Variants in DPP3 observed in about 807,000 individuals in gnomAD.
The protein encoded by DPP3 is dipeptidyl peptidase 3, also known as DPP III.
DPP3 carries 64 observed loss-of-function variants against 89.8 expected under a neutral mutation model. That is an observed-to-expected ratio of 0.71 (90% confidence interval 0.58 to 0.88). The LOEUF (loss-of-function observed/expected upper bound fraction) is 0.88. DPP3 is among the 40% of genes least tolerant of loss of function. The pLI is 0.00. For synonymous variants in DPP3, 377 were observed against 404.3 expected (o/e 0.93, Z 0.81); for missense variants, 835 against 972.5 (o/e 0.86, Z 1.88).
intron 2 of DPP3, among the ~76,000 whole-genome samples, chr11:66,483,841 G>A (rs1426077892): frequency 1.3e-5 from 2 of 152,068 alleles, no homozygotes; most frequent in Non-Finnish European, 2.9e-5. Flanking sequence ...CTGATGTACT[G>A]TTTATTCTAC....
In DPP3 at chr11:66,497,387, T is replaced by C. The variant is rs760211395; in HGVS notation, c.1788T>C (p.Asp596=). 5 of 1,613,982 alleles carry C rather than the reference T, an allele frequency of 3.1e-6. No individual in the cohort carries two copies. In the South Asian group the frequency reaches 4.4e-5, roughly 14 times the overall value. The change falls in exon 16 of 18, where the codon GAT becomes GAC. Residue 596 remains aspartate (D), a synonymous_variant. Transcript: ENST00000531863. ...CCATCACTCCCACCACAGGCTCCGA[T>C]GGGCGCCCAGATGCCCGGGTCCGCC... ...LVTITPTTGS[D]GRPDARVRLD... is the part of the protein sequence containing the mutation.
At position 66,497,410 on chromosome 11, in the gene DPP3, G is replaced by A. The variant is rs202207843; in HGVS notation, c.1811G>A (p.Arg604His). The change falls in exon 16 of 18, where the codon CGC becomes CAC. Residue 604 changes from arginine (R) to histidine (H), a missense_variant. Physicochemically the swap from Arg to His is conservative, Grantham distance 29. Coordinates refer to ENST00000531863, the MANE Select transcript of DPP3 (RefSeq NM_130443.4). ...GSDGRPDARV[R>H]LDRSKIRSVG... ...GATGGGCGCCCAGATGCCCGGGTCC[G>A]CCTCGACCGCAGCAAGATCCGGTCT... The A allele has an allele frequency of 3.3e-5, 53 of 1,613,830 alleles. 1 individual carries two copies. Among genetic ancestry groups the A allele is most frequent in the South Asian group, 7.7e-5 (7 of 91,080 alleles).
chr11:66,503,657 C>T (rs182581003), intron 16 of DPP3, among the ~76,000 whole-genome samples: 3 of 151,966 alleles, frequency 2.0e-5, no homozygotes, highest in Admixed American at 6.6e-5. Context: ...GAGGCCGGGG[C>T]GGGGCAGATC....
intron 9 of DPP3, 42 bp from the exon 10 acceptor site, chr11:66,492,674 C>T: frequency 6.5e-7 from 1 of 1,539,550 alleles, no homozygotes; most frequent in Non-Finnish European, 8.7e-7. Flanking sequence ...TGGGAGCCCT[C>T]CTGGAACCCT....
chr11:66,480,745 A>G (rs1855052790), intron 1 of DPP3: 3 of 357,720 alleles, frequency 8.4e-6, no homozygotes, highest in Admixed American at 9.5e-5. Flanking sequence ...GGCGGGGAGA[A>G]TGCCCCGGGT....
chr11:66,509,486 C>A lies in DPP3; in HGVS notation c.*235C>A. 7.4e-7 allele frequency: 1 copy of A among 1,348,502 alleles called. No homozygotes were observed. Among genetic ancestry groups the A allele is most frequent in the Non-Finnish European group, 1.0e-6 (1 of 976,440 alleles). The allele number at this position is 1,348,502 out of a possible 1,614,324, so 83.5% of individuals were successfully genotyped here. ...ACTGCCATACGTGGAGTGAGCAAGA[C>A]AGGGCTTACCATCCTGTCTACCAGA... On this transcript the variant is annotated 3_prime_UTR_variant, in exon 18 of 18. Transcript: ENST00000531863.
chr11:66,486,159 T>C (rs942369049), intron 3 of DPP3, among the ~76,000 whole-genome samples: 16 of 152,122 alleles, frequency 1.1e-4, no homozygotes, highest in African/African-American at 3.9e-4. Context: ...CCCAAGCTGG[T>C]CTTGAACTCC....
In DPP3 at chr11:66,481,983, C is replaced by T. The variant is rs967209849; in HGVS notation, c.-8-210C>T. On this transcript the variant is annotated intron_variant, in intron 1 of 17. Coordinates refer to ENST00000531863, the MANE Select transcript of DPP3 (RefSeq NM_130443.4). ...TCTTTAAGGTTTAGGGACTACAGAC[C>T]AAATATGGTCCACCAGTGTATTTTG... 4.4e-6 allele frequency: 3 copies of T among 674,446 alleles called. No individual in the cohort carries two copies. In the African/African-American group the frequency reaches 5.4e-5, roughly 12 times the overall value. The allele number at this position is 674,446 out of a possible 1,614,324, so 41.8% of individuals were successfully genotyped here.
chr11:66,495,751 G>A lies in DPP3; in HGVS notation c.1698+1G>A. 6.2e-7 allele frequency: 1 copy of A among 1,604,052 alleles called. No homozygotes were observed. Among genetic ancestry groups the A allele is most frequent in the South Asian group, 1.1e-5 (1 of 89,944 alleles). On this transcript the variant is annotated splice_donor_variant, in intron 15 of 17. Coordinates refer to ENST00000531863, the MANE Select transcript of DPP3 (RefSeq NM_130443.4). LOFTEE classifies it high-confidence loss of function. ...ACCTGAGGCCTTCAACTGGCGACAGGTAGGGCCTAGGTGGAGCCCCCTGGA... is the reference window on the plus strand; with the variant it reads ...ACCTGAGGCCTTCAACTGGCGACAGATAGGGCCTAGGTGGAGCCCCCTGGA...
intron 17 of DPP3, among the ~76,000 whole-genome samples, chr11:66,505,162 C>A (rs1855769506): frequency 6.6e-6 from 1 of 152,128 alleles, no homozygotes; most frequent in African/African-American, 2.4e-5. Context: ...CCTAGTGAAA[C>A]CCAGGGGACA....
At chr11:66,486,743 G>A (rs1334956709) in intron 4 of DPP3, 66 bp downstream of exon 4, 14 of 1,424,240 alleles carry the variant, frequency 9.8e-6, no homozygotes, top group African/African-American at 1.5e-5. Flanking sequence ...ACCTGGTAAG[G>A]AGGGAAGGAC....
chr11:66,498,050 A>G (rs1220547805), intron 16 of DPP3, among the ~76,000 whole-genome samples: 1 of 150,136 alleles, frequency 6.7e-6, no homozygotes, highest in Non-Finnish European at 1.5e-5. Flanking sequence ...CTCCTGCCTC[A>G]ACCTCCCGAG....
At position 66,482,331 on chromosome 11, in the gene DPP3, G is replaced by A. The variant is rs774858480; in HGVS notation, c.131G>A (p.Gly44Glu). 3.1e-6 allele frequency: 5 copies of A among 1,613,830 alleles called. No individual in the cohort carries two copies. Among genetic ancestry groups the A allele is most frequent in the Non-Finnish European group, 4.2e-6 (5 of 1,180,034 alleles). Residue 44 changes from glycine (G) to glutamate (E), a missense_variant, in exon 2 of 18, where the codon GGA (glycine) becomes GAA (glutamate). Transcript: ENST00000531863. ...CACCTGTCCCGTGCCGCCTGGTACGGAGGCCTGGCTGTGCTGCTTCAGACC... is the reference window on the plus strand; with the variant it reads ...CACCTGTCCCGTGCCGCCTGGTACGAAGGCCTGGCTGTGCTGCTTCAGACC... ...AYHLSRAAWY[G>E]GLAVLLQTSP...
chr11:66,496,636 G>T (rs1269526507), intron 15 of DPP3, among the ~76,000 whole-genome samples: 1 of 152,050 alleles, frequency 6.6e-6, no homozygotes, highest in Non-Finnish European at 1.5e-5. Flanking sequence ...GGATGGTCTC[G>T]ATCTCCTGAC....
intron 1 of DPP3, among the ~76,000 whole-genome samples, chr11:66,481,375 A>G (rs1384922829): frequency 6.6e-6 from 1 of 152,144 alleles, no homozygotes; most frequent in Admixed American, 6.5e-5. Flanking sequence ...CTGTAGTCCC[A>G]ACTACTTTGG....
intron 16 of DPP3, among the ~76,000 whole-genome samples, chr11:66,498,007 C>T (rs1029635864): frequency 6.6e-6 from 1 of 152,082 alleles, no homozygotes; most frequent in African/African-American, 2.4e-5. Context: ...GTGATCTCGG[C>T]TCACTGTAAC....
chr11:66,484,324 T>C (rs527603564), intron 2 of DPP3, among the ~76,000 whole-genome samples: 1 of 152,110 alleles, frequency 6.6e-6, no homozygotes, highest in African/African-American at 2.4e-5. Context: ...CCAGCTCAAA[T>C]TGGCTTACAT....
At chr11:66,485,813 A>G (rs1855210290) in intron 3 of DPP3, among the ~76,000 whole-genome samples, 1 of 152,140 alleles carries the variant, frequency 6.6e-6, no homozygotes, top group African/African-American at 2.4e-5. Flanking sequence ...TGGTGTGATC[A>G]TGACTCACTT....
intron 2 of DPP3, 24 bp from the exon 3 acceptor site, chr11:66,485,149 C>G (rs201928632): frequency 1.9e-6 from 3 of 1,612,240 alleles, no homozygotes; most frequent in Non-Finnish European, 2.5e-6. Flanking sequence ...CTTCCTGGGT[C>G]TCTGATGCCT....
Sources: allele counts gnomAD v4.1 joint callset (sites outside exome capture counted in the v4.1 genomes callset), GRCh38; gene constraint gnomAD v4.1.1; transcripts MANE v1.5; gene names NCBI Gene and HGNC (gene_info 2026-07-23, HGNC 2026-07-21).